The following KCNQ1 variants were observed in gnomAD, a reference collection of about 807,000 sequenced individuals.
KCNQ1 encodes potassium voltage-gated channel subfamily Q member 1, also known as potassium voltage-gated channel subfamily KQT member 1.
Under a neutral mutation model 72.4 loss-of-function variants are expected in KCNQ1, and 49 were observed. The ratio of observed to expected loss-of-function variants is 0.68; its 90% confidence interval spans 0.54 to 0.86. The LOEUF is 0.86. Ranked by LOEUF, KCNQ1 falls within the 40% of genes least tolerant of loss-of-function variation. The probability of loss-of-function intolerance (pLI) is 0.00; values close to 1 mark genes in which losing one functional copy is unlikely to be tolerated. For missense variants in KCNQ1, 790 were observed against 945.1 expected (o/e 0.84, Z 2.15); for synonymous variants, 450 against 412.6 (o/e 1.09, Z -1.10).
At chr11:2,558,572 T>C (rs577832775) in intron 2 of KCNQ1, among the ~76,000 whole-genome samples, 5 of 152,296 alleles carry the variant, frequency 3.3e-5, no homozygotes, top group African/African-American at 1.2e-4. Context: ...TGCTGCGCCC[T>C]GTGTCCGCCT....
intron 11 of KCNQ1, among the ~76,000 whole-genome samples, chr11:2,760,435 G>A (rs1846373711): frequency 2.0e-5 from 3 of 152,204 alleles, no homozygotes; most frequent in South Asian, 2.1e-4. Context: ...AGGTCAGTGG[G>A]TGCATGAATG....
In KCNQ1 at chr11:2,737,620, C is replaced by T. The variant is rs563196088; in HGVS notation, c.1515-31224C>T. On this transcript the variant is annotated intron_variant, in intron 11 of 15. Transcript: ENST00000155840. ...ACGTGAGTGAATTTGACTCCGTTCA[C>T]GGCGAAGAAGCTTTGTGTAAAATGC... is the stretch of plus-strand genomic sequence containing the variant. Among the ~76,000 whole-genome samples the T allele has an allele frequency of 4.6e-5, 7 of 152,364 alleles. No homozygotes were observed. The East Asian group carries it at 7.7e-4, about 17-fold the overall frequency.
intron 10 of KCNQ1, chr11:2,610,189 GC>G (rs1292686106): frequency 2.5e-6 from 1 of 397,446 alleles, no homozygotes; most frequent in African/African-American, 2.1e-5. Context: ...ATTAGTGTTT[GC>G]TCTAGGGCTT....
chr11:2,664,742 G>T lies in KCNQ1; in HGVS notation c.1514+2661G>T. On this transcript the variant is annotated intron_variant, in intron 11 of 15. Transcript: ENST00000155840. The surrounding 1 kb of genome is among the most constrained non-coding windows in gnomAD (Gnocchi z 5.1). The stretch of plus-strand genomic sequence containing the variant: ...CGCCCTGGTGTGTGTGAGGGACAGG[G>T]ATGTGTGCTGGGGTCTCACAGGGGG... The T allele has an allele frequency of 2.5e-6, 1 of 398,780 alleles. No individual in the cohort carries two copies. The highest frequency in any genetic ancestry group is 2.1e-5 in the African/African-American group (1 of 48,744). The allele number at this position is 398,780 out of a possible 1,614,324, so 24.7% of individuals were successfully genotyped here.
chr11:2,783,288 T>A lies in KCNQ1; in HGVS notation c.1794+5251T>A, dbSNP rs183949708. ...TAATTGTAGCACAGCTTTCTCATAA[T>A]GTTGCCCTCTTGTCAGAGAAAGCAA... On this transcript the variant is annotated intron_variant, in intron 15 of 15. Transcript: ENST00000155840. This position sits in a 1 kb window ranked among gnomAD's most constrained non-coding sequence, Gnocchi z 5.2. Among the ~76,000 whole-genome samples the A allele has an allele frequency of 6.6e-6, 1 of 152,180 alleles. No individual in the cohort carries two copies. Among genetic ancestry groups the A allele is most frequent in the Non-Finnish European group, 1.5e-5 (1 of 67,980 alleles).
chr11:2,776,740 G>C (rs186964766), intron 13 of KCNQ1, among the ~76,000 whole-genome samples: 260 of 152,278 alleles, frequency 1.7e-3, no homozygotes, highest in African/African-American at 6.1e-3. Context: ...CCTACCCCCA[G>C]GGAGGAAGTC....
chr11:2,517,462 G>C (rs538519578), intron 1 of KCNQ1, among the ~76,000 whole-genome samples: 1 of 152,152 alleles, frequency 6.6e-6, no homozygotes, highest in Non-Finnish European at 1.5e-5. Flanking sequence ...AGGGCCCCAC[G>C]CGTGTTGAGT....
Position 2,642,864 on chromosome 11 carries a change from C to T in KCNQ1, c.1394-19097C>T. ...CCTTAAGTTTCAGAATGTTGTGCTT[C>T]TATTTTCACTTGTTTCAGTAAATTT... On this transcript the variant is annotated intron_variant, in intron 10 of 15. Transcript: ENST00000155840. This position sits in a 1 kb window ranked among gnomAD's most constrained non-coding sequence, Gnocchi z 4.3. 2.5e-6 allele frequency: 1 copy of T among 397,786 alleles called. No homozygotes were observed. The allele number at this position is 397,786 out of a possible 1,614,324, so 24.6% of individuals were successfully genotyped here. A position where few individuals can be genotyped will look rare whatever the true frequency, so the allele number is the denominator to read the frequency against.
At chr11:2,662,931 T>C (rs997804046) in intron 11 of KCNQ1, 4 of 398,514 alleles carry the variant, frequency 1.0e-5, no homozygotes, top group African/African-American at 2.1e-5. Flanking sequence ...GAGCCATGTG[T>C]GTCTTTGTCG....
Position 2,612,720 on chromosome 11 carries a change from C to T in KCNQ1, c.1393+23866C>T, listed in dbSNP as rs1427778387. 2.0e-5 allele frequency: 8 copies of T among 398,484 alleles called. No homozygotes were observed. The highest frequency in any genetic ancestry group is 3.5e-5 in the Non-Finnish European group (8 of 226,062). 24.7% of individuals were successfully genotyped at this position (398,484 alleles called of 1,614,324 possible). A position where few individuals can be genotyped will look rare whatever the true frequency, so the allele number is the denominator to read the frequency against. On this transcript the variant is annotated intron_variant, in intron 10 of 15. Transcript: ENST00000155840. This position sits in a 1 kb window ranked among gnomAD's most constrained non-coding sequence, Gnocchi z 5.5. ...TACTTACTTTGAAATCGCGCCCTAACATTTGGGGCCCTTCAGAGATAATTC... is the reference window on the plus strand; with the variant it reads ...TACTTACTTTGAAATCGCGCCCTAATATTTGGGGCCCTTCAGAGATAATTC...
In KCNQ1 at chr11:2,682,757, A is replaced by G. The variant is rs558934224; in HGVS notation, c.1514+20676A>G. The G allele has an allele frequency of 3.8e-5, 15 of 398,636 alleles. 2 individuals are homozygous for G. In the South Asian group the frequency reaches 1.9e-3, roughly 51 times the overall value. 24.7% of individuals were successfully genotyped at this position (398,636 alleles called of 1,614,324 possible). ...CCCTTGAGCCCACTCATCTCTGTTGACATTCTAGAAATGCAGGGAAATCTG... is the reference window on the plus strand; with the variant it reads ...CCCTTGAGCCCACTCATCTCTGTTGGCATTCTAGAAATGCAGGGAAATCTG... On this transcript the variant is annotated intron_variant, in intron 11 of 15. Transcript: ENST00000155840. This position sits in a 1 kb window ranked among gnomAD's most constrained non-coding sequence, Gnocchi z 5.8.
Position 2,725,128 on chromosome 11 carries a change from G to A in KCNQ1, c.1515-43716G>A, listed in dbSNP as rs1213316262. ...AGTGCTGGACCCGTTTCAGCTCCAG[G>A]GGAGAGCCAGGGCAGGGTGGGGCAG... On this transcript the variant is annotated intron_variant, in intron 11 of 15. Transcript: ENST00000155840. The surrounding 1 kb of genome is among the most constrained non-coding windows in gnomAD (Gnocchi z 7.2). Among the ~76,000 whole-genome samples the A allele has an allele frequency of 2.6e-5, 4 of 152,302 alleles. No individual in the cohort carries two copies. Among genetic ancestry groups the A allele is most frequent in the East Asian group, 3.9e-4 (2 of 5,172 alleles).
At chr11:2,842,574 TTGTACAAGTG>T (rs1430226252) in intron 15 of KCNQ1, among the ~76,000 whole-genome samples, 3 of 152,194 alleles carry the variant, frequency 2.0e-5, no homozygotes, top group Non-Finnish European at 2.9e-5. Context: ...GTGAAGGGAA[TTGTACAAGTG>T]TGTACAAGGG....
chr11:2,660,657 TCA>T (rs1422114269), intron 10 of KCNQ1: 12 of 398,504 alleles, frequency 3.0e-5, no homozygotes, highest in African/African-American at 1.9e-4. Context: ...CAGCAATGCC[TCA>T]GTTTTCATCC....
intron 2 of KCNQ1, among the ~76,000 whole-genome samples, chr11:2,530,041 T>G (rs952567826): frequency 1.3e-5 from 2 of 152,212 alleles, no homozygotes; most frequent in African/African-American, 4.8e-5. Context: ...CCTATCACAT[T>G]GTACTCTCAT....
intron 2 of KCNQ1, among the ~76,000 whole-genome samples, chr11:2,534,791 G>C (rs184185394): frequency 6.6e-6 from 1 of 152,374 alleles, no homozygotes; most frequent in East Asian, 1.9e-4. Context: ...CTCCCTGGCA[G>C]GGTTGTTTCC....
intron 15 of KCNQ1, among the ~76,000 whole-genome samples, chr11:2,835,678 C>T (rs1848048925): frequency 6.6e-6 from 1 of 152,150 alleles, no homozygotes; most frequent in South Asian, 2.1e-4. Flanking sequence ...GGAGCAGGAG[C>T]CTGCAGCATG....
In KCNQ1 at chr11:2,666,184, G is replaced by A. The variant is rs76592153; in HGVS notation, c.1514+4103G>A. ...CCCCAGCTCGAGGTTAACAGATACC[G>A]CCCTCAGTCCCACTCTCCAGAGGGA... On this transcript the variant is annotated intron_variant, in intron 11 of 15. Transcript: ENST00000155840. 3,311 of 398,578 alleles carry A rather than the reference G, an allele frequency of 8.3e-3. 30 individuals carry two copies. Among genetic ancestry groups the A allele is most frequent in the Middle Eastern group, 0.022 (35 of 1,590 alleles). 24.7% of individuals were successfully genotyped at this position (398,578 alleles called of 1,614,324 possible). A position where few individuals can be genotyped will look rare whatever the true frequency, so the allele number is the denominator to read the frequency against.
chr11:2,574,450 G>T (rs1470790599), intron 6 of KCNQ1, among the ~76,000 whole-genome samples: 8 of 151,432 alleles, frequency 5.3e-5, no homozygotes, highest in Middle Eastern at 3.4e-3. Flanking sequence ...AGGCCTGGGG[G>T]CCGCACGGGG....
Sources: allele counts gnomAD v4.1 joint callset (sites outside exome capture counted in the v4.1 genomes callset), GRCh38; gene constraint gnomAD v4.1.1; non-coding constraint Gnocchi (gnomAD v3.1); transcripts MANE v1.5; gene names NCBI Gene and HGNC (gene_info 2026-07-23, HGNC 2026-07-21).